EEF1AKMT3: variants seen among roughly 807,000 people sequenced by gnomAD.
EEF1AKMT3 encodes EEF1A lysine methyltransferase 3, also known as eEF1A-KMT3.
In EEF1AKMT3, 17 loss-of-function variants were observed where a neutral mutation model predicts 17.8. The ratio of observed to expected loss-of-function variants is 0.96; its 90% CI spans 0.65 to 1.43. The LOEUF (loss-of-function observed/expected upper bound fraction) is 1.43, where lower values mean the gene tolerates loss of function less well. Ranked by LOEUF, EEF1AKMT3 falls within the 40% of genes most tolerant of loss-of-function variation. The pLI is 0.00. For synonymous variants in EEF1AKMT3, 116 were observed against 126.5 expected, an observed-to-expected ratio of 0.92 and a Z score of 0.56; for missense variants, 244 against 285.8, an observed-to-expected ratio of 0.85 and a Z score of 1.06.
chr12:57,778,043 C>T (rs1385109737), intron 2 of EEF1AKMT3, among the ~76,000 whole-genome samples: 1 of 151,568 alleles, frequency 6.6e-6, no homozygotes, highest in Non-Finnish European at 1.5e-5. Flanking sequence ...AAAAAATGCC[C>T]CGTTGGTGAT....
rs1565818161 is a variant in EEF1AKMT3 at position 57,780,529 on chromosome 12, A to G, written c.564A>G (p.Thr188=). The stretch of plus-strand genomic sequence containing the variant: ...CCAAGATGAGAAAGGAGCATGGGAC[A>G]GAGAGCTTCTTTCAGCACCTCCTGC... ...LASKMRKEHG[T]ESFFQHLLPQ... The change falls in exon 3 of 3, where the codon ACA becomes ACG. Residue 188 remains threonine, a synonymous_variant. Coordinates refer to ENST00000300209, the MANE Select transcript of EEF1AKMT3 (RefSeq NM_015433.3). 1.2e-6 allele frequency: 2 copies of G among 1,614,034 alleles called. No homozygotes were observed. The highest frequency in any genetic ancestry group is 1.7e-5 in the Admixed American group (1 of 59,996).
intron 2 of EEF1AKMT3, chr12:57,774,835 G>T: frequency 1.4e-6 from 2 of 1,462,890 alleles, no homozygotes; most frequent in South Asian, 2.5e-5. Flanking sequence ...GCCGGGCTCG[G>T]TGGCTCATGC....
At chr12:57,776,540 A>ACTCTC (rs1465913697) in intron 2 of EEF1AKMT3, among the ~76,000 whole-genome samples, 3 of 151,398 alleles carry the variant, frequency 2.0e-5, no homozygotes, top group Non-Finnish European at 4.4e-5. Context: ...TTTTTCTGCC[A>ACTCTC]CTCTCCTGAA....
chr12:57,775,098 G>A (rs1287664791), intron 2 of EEF1AKMT3, among the ~76,000 whole-genome samples: 2 of 96,208 alleles, frequency 2.1e-5, no homozygotes, highest in African/African-American at 4.1e-5. Flanking sequence ...AGAGTGAAAC[G>A]CCATCTCAAA....
At chr12:57,774,486 TAAAA>T in intron 2 of EEF1AKMT3, 1 of 556,764 alleles carries the variant, frequency 1.8e-6, no homozygotes, top group East Asian at 3.0e-5. Context: ...GTCTCAAAAA[TAAAA>T]AAAGGGAAAT....
chr12:57,782,526 T>TAA lies in EEF1AKMT3; in HGVS notation c.*1883_*1884dup. The TAA allele has an allele frequency of 2.1e-6, 1 of 473,760 alleles. No homozygotes were observed. Among genetic ancestry groups the TAA allele is most frequent in the Non-Finnish European group, 3.8e-6 (1 of 265,528 alleles). 29.3% of individuals were successfully genotyped at this position (473,760 alleles called of 1,614,324 possible). ...TATAAATGCGCATTGAAAATAAACA[T>TAA]AAAATGTTACCCACATTTCTTGTGT... On this transcript the variant is annotated 3_prime_UTR_variant, in exon 3 of 3. Coordinates refer to ENST00000300209, the MANE Select transcript of EEF1AKMT3 (RefSeq NM_015433.3).
intron 2 of EEF1AKMT3, among the ~76,000 whole-genome samples, chr12:57,775,105 C>CAAAAA (rs1019116260): frequency 5.9e-5 from 2 of 33,624 alleles, no homozygotes; most frequent in Non-Finnish European, 9.6e-5. Context: ...AACGCCATCT[C>CAAAAA]AAAAAAAAAA....
intron 2 of EEF1AKMT3, among the ~76,000 whole-genome samples, chr12:57,779,050 T>G (rs1955496890): frequency 6.6e-6 from 1 of 152,166 alleles, no homozygotes; most frequent in East Asian, 1.9e-4. Context: ...TTAGTAGATA[T>G]GGGGTTTCAC....
At chr12:57,778,322 ACT>A (rs936669911) in intron 2 of EEF1AKMT3, among the ~76,000 whole-genome samples, 1 of 1,038 alleles carries the variant, frequency 9.6e-4, no homozygotes, top group Non-Finnish European at 2.1e-3. Context: ...ACAGGTTCTC[ACT>A]CTGTTGCCCA....
Position 57,772,623 on chromosome 12 carries a change from A to C in EEF1AKMT3, c.-102A>C. The C allele has an allele frequency of 7.6e-7, 1 of 1,310,136 alleles. No individual in the cohort carries two copies. Among genetic ancestry groups the C allele is most frequent in the South Asian group, 1.5e-5 (1 of 67,880 alleles). The allele number at this position is 1,310,136 out of a possible 1,614,324, so 81.2% of individuals were successfully genotyped here. ...AACTCAGGGAGGCGGGGCTCGTTCC[A>C]CAGGGACACCACGACGGCTCGCGGC... On this transcript the variant is annotated 5_prime_UTR_variant, in exon 1 of 3. Coordinates refer to ENST00000300209, the MANE Select transcript of EEF1AKMT3 (RefSeq NM_015433.3). This position sits in a 1 kb window ranked among gnomAD's most constrained non-coding sequence, Gnocchi z 4.1.
chr12:57,780,491 A>C lies in EEF1AKMT3; in HGVS notation c.526A>C (p.Ile176Leu). Reference sequence around the variant, plus strand: ...ACACCTGTGCAGGCCCCATGGCACCATCTATCTGGCCTCCAAGATGAGAAA... The same window carrying C: ...ACACCTGTGCAGGCCCCATGGCACCCTCTATCTGGCCTCCAAGATGAGAAA... ...LQHLCRPHGT[I>L]YLASKMRKEH... Residue 176 changes from isoleucine (I) to leucine (L), a missense_variant, in exon 3 of 3, where the codon ATC (isoleucine) becomes CTC (leucine). Transcript: ENST00000300209. The C allele has an allele frequency of 6.2e-7, 1 of 1,614,184 alleles. No homozygotes were observed. The highest frequency in any genetic ancestry group is 2.2e-5 in the East Asian group (1 of 44,876).
rs1465699066 is a variant in EEF1AKMT3, at chr12:57,772,923, G to C, written c.177+22G>C. On this transcript the variant is annotated intron_variant, in intron 1 of 2. Transcript: ENST00000300209. The surrounding 1 kb of genome is among the most constrained non-coding windows in gnomAD (Gnocchi z 4.1). Reference sequence around the variant, plus strand: ...CGCGGTGAGGAATGGGCTGCGCCGGGTGAGGGTCCGTGGGAGGTCCAGATC... The same window carrying C: ...CGCGGTGAGGAATGGGCTGCGCCGGCTGAGGGTCCGTGGGAGGTCCAGATC... The C allele has an allele frequency of 6.8e-6, 11 of 1,613,210 alleles. No individual in the cohort carries two copies. The highest frequency in any genetic ancestry group is 8.5e-6 in the Non-Finnish European group (10 of 1,179,440).
rs1277013242 is a variant in EEF1AKMT3 at position 57,780,652 on chromosome 12, C to T, written c.*6C>T. The T allele has an allele frequency of 6.2e-7, 1 of 1,604,372 alleles. No homozygotes were observed. Among genetic ancestry groups the T allele is most frequent in the Admixed American group, 1.7e-5 (1 of 59,946 alleles). On this transcript the variant is annotated 3_prime_UTR_variant, in exon 3 of 3. Transcript: ENST00000300209. The stretch of plus-strand genomic sequence containing the variant: ...GGGAACCAAGACCTGCTTGACATCA[C>T]CCTTGCTGTTCTTCTCAATCTCTTG...
chr12:57,780,732 G>T lies in EEF1AKMT3; in HGVS notation c.*86G>T. ...ACCATATTTCCAGAGCCACAAACATGAGGACCAAAAAGGATGGATTTCCCT... is the reference window on the plus strand; with the variant it reads ...ACCATATTTCCAGAGCCACAAACATTAGGACCAAAAAGGATGGATTTCCCT... On this transcript the variant is annotated 3_prime_UTR_variant, in exon 3 of 3. Transcript: ENST00000300209. 1 of 1,535,234 alleles carries T rather than the reference G, an allele frequency of 6.5e-7. No homozygotes were observed. The highest frequency in any genetic ancestry group is 8.8e-7 in the Non-Finnish European group (1 of 1,142,208).
intron 2 of EEF1AKMT3, among the ~76,000 whole-genome samples, chr12:57,778,611 C>A (rs1470648341): frequency 1.3e-5 from 2 of 152,038 alleles, no homozygotes; most frequent in Non-Finnish European, 2.9e-5. Flanking sequence ...CTGGCCCATC[C>A]CAAGCTTTTC....
At position 57,780,349 on chromosome 12, in the gene EEF1AKMT3, G is replaced by GCGT; in HGVS notation, c.385_387dup (p.Arg129dup). On this transcript the variant is annotated inframe_insertion, in exon 3 of 3. Coordinates refer to ENST00000300209, the MANE Select transcript of EEF1AKMT3 (RefSeq NM_015433.3). ...TGCCAGCTGGAGGCCAGGCCCAGGT[G>GCGT]CGTGCCTTGTCCTGGGGGATTGACC... The GCGT allele has an allele frequency of 6.2e-7, 1 of 1,614,198 alleles. No homozygotes were observed. The highest frequency in any genetic ancestry group is 8.5e-7 in the Non-Finnish European group (1 of 1,180,022).
At position 57,774,698 on chromosome 12, in the gene EEF1AKMT3, G is replaced by A. The variant is rs373055718; in HGVS notation, c.289+1570G>A. On this transcript the variant is annotated intron_variant, in intron 2 of 2. Transcript: ENST00000300209. ...CAAGAACTCTGGCGAGGTATGCGTG[G>A]AGCCTGTGGACATGCTCTATCCATG... is the stretch of plus-strand genomic sequence containing the variant. 3.7e-6 allele frequency: 6 copies of A among 1,613,182 alleles called. No homozygotes were observed. In the African/African-American group the frequency reaches 8.0e-5, roughly 22 times the overall value.
rs769184086 is a variant in EEF1AKMT3 at position 57,782,537 on chromosome 12, C to G, written c.*1891C>G. The G allele has an allele frequency of 4.2e-6, 2 of 480,962 alleles. No homozygotes were observed. Among genetic ancestry groups the G allele is most frequent in the Non-Finnish European group, 7.4e-6 (2 of 270,020 alleles). 29.8% of individuals were successfully genotyped at this position (480,962 alleles called of 1,614,324 possible). On this transcript the variant is annotated 3_prime_UTR_variant, in exon 3 of 3. Coordinates refer to ENST00000300209, the MANE Select transcript of EEF1AKMT3 (RefSeq NM_015433.3). ...ATTGAAAATAAACATAAAATGTTAC[C>G]CACATTTCTTGTGTTGTTGTTTTGT...
At chr12:57,774,600 A>G (rs1306554571) in intron 2 of EEF1AKMT3, 2 of 1,054,542 alleles carry the variant, frequency 1.9e-6, no homozygotes, top group South Asian at 2.7e-5. Context: ...GGATTCAACA[A>G]TAAATAAGAC....
Sources: gnomAD v4.1 joint callset for allele counts (sites outside exome capture counted in the v4.1 genomes callset) on GRCh38, gnomAD v4.1.1 for gene constraint, Gnocchi (gnomAD v3.1) non-coding constraint, MANE v1.5 for transcripts, NCBI Gene and HGNC (gene_info 2026-07-23, HGNC 2026-07-21) for gene names.